Variants in MYRF observed in about 807,000 individuals in gnomAD.
MYRF encodes myelin regulatory factor, also known as myelin gene regulatory factor.
Under a neutral mutation model 126.3 loss-of-function variants are expected in MYRF, and 16 were observed. That is an observed-to-expected ratio of 0.13 (90% CI 0.09 to 0.19). MYRF has a LOEUF of 0.19. Ranked by LOEUF, MYRF falls within the 10% of genes least tolerant of loss-of-function variation. The pLI, the probability that MYRF is intolerant of heterozygous loss-of-function variation, is 1.00. For missense variants in MYRF, 1,104 were observed against 1,547.0 expected (o/e 0.71, Z 4.80); for synonymous variants, 608 against 635.3 (o/e 0.96, Z 0.65).
chr11:61,771,463 G>A lies in MYRF; in HGVS notation c.741-37G>A. The A allele has an allele frequency of 6.3e-6, 10 of 1,590,860 alleles. No homozygotes were observed. The South Asian group carries it at 8.0e-5, about 13-fold the overall frequency. On this transcript the variant is annotated intron_variant, in intron 5 of 26. Transcript: ENST00000278836. ...CTACCCAGTGGGAGGGGCTCGGGGA[G>A]AGCCAGCCCCCACGGCGCACACTTC...
chr11:61,763,008 G>A (rs1351366406), intron 1 of MYRF, among the ~76,000 whole-genome samples: 9 of 152,246 alleles, frequency 5.9e-5, no homozygotes, highest in East Asian at 3.9e-4. Context: ...GATTAGGGGC[G>A]ATTAGGAGTG....
chr11:61,767,191 AC>A (rs909548376), intron 3 of MYRF: 4 of 456,626 alleles, frequency 8.8e-6, no homozygotes, highest in Non-Finnish European at 1.8e-5. Flanking sequence ...CCAGGGGTGA[AC>A]CTTTGCTGCA....
Position 61,781,149 on chromosome 11 carries a change from C to T in MYRF, c.2584C>T (p.Leu862Phe). The change falls in exon 21 of 27, where the codon CTC becomes TTC. Residue 862 changes from leucine to phenylalanine, a missense_variant. Physicochemically the swap from Leu to Phe is conservative, Grantham distance 22. This residue lies in a region of MYRF where 323 missense variants were observed against 383.1 expected (regional missense o/e 0.84). Coordinates refer to ENST00000278836, the MANE Select transcript of MYRF (RefSeq NM_001127392.3). ...QPSLLLVTTS[L>F]TSSAPGSAVR... ...TCTGGCCTCCTCAGTGACCACCAGC[C>T]TCACCAGCTCGGCCCCAGGTTCTGC... 2.5e-6 allele frequency: 4 copies of T among 1,613,602 alleles called. No homozygotes were observed. The highest frequency in any genetic ancestry group is 3.4e-6 in the Non-Finnish European group (4 of 1,179,994).
chr11:61,783,856 G>C lies in MYRF; in HGVS notation c.3125G>C (p.Gly1042Ala). The C allele has an allele frequency of 1.2e-6, 2 of 1,606,384 alleles. No individual in the cohort carries two copies. The highest frequency in any genetic ancestry group is 2.2e-5 in the South Asian group (2 of 89,774). The change falls in exon 24 of 27, where the codon GGG (glycine) becomes GCG (alanine). Residue 1042 changes from glycine (G) to alanine (A), a missense_variant. Gly to Ala is a moderately conservative substitution (Grantham distance 60). This residue lies in a region of MYRF where 94 missense variants were observed against 164.6 expected (regional missense o/e 0.57). Coordinates refer to ENST00000278836, the MANE Select transcript of MYRF (RefSeq NM_001127392.3). This position sits in a 1 kb window ranked among gnomAD's most constrained non-coding sequence, Gnocchi z 4.6. Reference protein sequence around the residue: ...YCAPGDACRPGNFTYHIPVSS... With the variant: ...YCAPGDACRPANFTYHIPVSS... ...TGCCAGTTTTGCCCCTGCAGGCCTG[G>C]GAACTTCACCTACCACATCCCTGTC...
intron 25 of MYRF, 162 bp from the exon 26 acceptor site, chr11:61,785,638 T>C (rs2066675090): frequency 3.1e-6 from 2 of 642,926 alleles, no homozygotes; most frequent in Admixed American, 2.5e-5. Context: ...CATTGCTCCT[T>C]CTGCCAAAGC....
rs575934023 is a variant in MYRF, at chr11:61,780,874, T to C, written c.2486+82T>C. The C allele has an allele frequency of 9.9e-5, 156 of 1,583,310 alleles. No homozygotes were observed. The African/African-American group carries it at 1.9e-3, about 20-fold the overall frequency. ...CCTCCCCTCCCTCTCTGCCTCTTCCTGCCCTCCTGCCTCTCCAGGACTGTC... is the reference window on the plus strand; with the variant it reads ...CCTCCCCTCCCTCTCTGCCTCTTCCCGCCCTCCTGCCTCTCCAGGACTGTC... On this transcript the variant is annotated intron_variant, in intron 19 of 26. Coordinates refer to ENST00000278836, the MANE Select transcript of MYRF (RefSeq NM_001127392.3).
chr11:61,786,197 C>CCAA lies in MYRF; in HGVS notation c.*57_*59dup. 6.6e-7 allele frequency: 1 copy of CCAA among 1,511,058 alleles called. No homozygotes were observed. 93.6% of individuals were successfully genotyped at this position (1,511,058 alleles called of 1,614,324 possible). On this transcript the variant is annotated 3_prime_UTR_variant, in exon 27 of 27. Transcript: ENST00000278836. The surrounding 1 kb of genome is among the most constrained non-coding windows in gnomAD (Gnocchi z 4.5). Reference sequence around the variant, plus strand: ...GGGACCAGGGGTGCCCAGGCACCCCCCAACACTGGATGCAATGGTGTTACA... The same window carrying CCAA: ...GGGACCAGGGGTGCCCAGGCACCCCCCAACAACACTGGATGCAATGGTGTTACA...
intron 18 of MYRF, 58 bp downstream of exon 18, chr11:61,780,348 C>T (rs914137594): frequency 1.4e-6 from 2 of 1,459,694 alleles, no homozygotes; most frequent in East Asian, 2.3e-5. Flanking sequence ...GGTGGGCAGT[C>T]CCAGGTCAGA....
chr11:61,777,416 C>A lies in MYRF; in HGVS notation c.1743C>A (p.Gly581=), dbSNP rs759380429. The A allele has an allele frequency of 6.8e-6, 11 of 1,613,742 alleles. No individual in the cohort carries two copies. Among genetic ancestry groups the A allele is most frequent in the South Asian group, 1.1e-5 (1 of 91,060 alleles). Residue 581 remains glycine, a synonymous_variant, in exon 12 of 27, where the codon GGC becomes GGA. Transcript: ENST00000278836. The surrounding 1 kb of genome is among the most constrained non-coding windows in gnomAD (Gnocchi z 8.8). The stretch of plus-strand genomic sequence containing the variant: ...TGCACGGGAATGTCAAGGTCATGGG[C>A]TCGCTTATGCACCCCTCCGACCTGC... ...LVVHGNVKVM[G]SLMHPSDLRA... is the part of the protein sequence containing the mutation.
At position 61,778,093 on chromosome 11, in the gene MYRF, T is replaced by G. The variant is rs957692535; in HGVS notation, c.1903+248T>G. Among the ~76,000 whole-genome samples the G allele has an allele frequency of 6.6e-6, 1 of 152,184 alleles. No individual in the cohort carries two copies. The highest frequency in any genetic ancestry group is 1.5e-5 in the Non-Finnish European group (1 of 68,022). Reference sequence around the variant, plus strand: ...GCCCAGGGACCCTCGCCCTTCGCGCTAGATGAATCCTACCTTTAACCTGCC... The same window carrying G: ...GCCCAGGGACCCTCGCCCTTCGCGCGAGATGAATCCTACCTTTAACCTGCC... On this transcript the variant is annotated intron_variant, in intron 13 of 26. Transcript: ENST00000278836. The surrounding 1 kb of genome is among the most constrained non-coding windows in gnomAD (Gnocchi z 4.6).
chr11:61,783,254 C>T lies in MYRF; in HGVS notation c.3017-244C>T. The T allele has an allele frequency of 2.5e-6, 1 of 406,602 alleles. No individual in the cohort carries two copies. 25.2% of individuals were successfully genotyped at this position (406,602 alleles called of 1,614,324 possible). On this transcript the variant is annotated intron_variant, in intron 22 of 26. Coordinates refer to ENST00000278836, the MANE Select transcript of MYRF (RefSeq NM_001127392.3). This position sits in a 1 kb window ranked among gnomAD's most constrained non-coding sequence, Gnocchi z 4.6. Reference sequence around the variant, plus strand: ...ACACCTGGCAGGGGATGTGAAGACCCATCCCTACTTCTGGGTGTTCCAGTT... The same window carrying T: ...ACACCTGGCAGGGGATGTGAAGACCTATCCCTACTTCTGGGTGTTCCAGTT...
At position 61,783,734 on chromosome 11, in the gene MYRF, C is replaced by G; in HGVS notation, c.3120-117C>G. 7.3e-7 allele frequency: 1 copy of G among 1,365,794 alleles called. No individual in the cohort carries two copies. The highest frequency in any genetic ancestry group is 1.0e-6 in the Non-Finnish European group (1 of 979,046). The allele number at this position is 1,365,794 out of a possible 1,614,324, so 84.6% of individuals were successfully genotyped here. ...GAAGGGTAGCCCCTTTCCAGGCTACCCTTGGACACTGTCTCTTCTGGAGGG... is the reference window on the plus strand; with the variant it reads ...GAAGGGTAGCCCCTTTCCAGGCTACGCTTGGACACTGTCTCTTCTGGAGGG... On this transcript the variant is annotated intron_variant, in intron 23 of 26. Transcript: ENST00000278836. The surrounding 1 kb of genome is among the most constrained non-coding windows in gnomAD (Gnocchi z 4.6).
chr11:61,758,897 C>T (rs1057249048), intron 1 of MYRF, among the ~76,000 whole-genome samples: 1 of 152,246 alleles, frequency 6.6e-6, no homozygotes, highest in African/African-American at 2.4e-5. Flanking sequence ...TGAAGGCACA[C>T]GGATGAACGC....
chr11:61,765,556 C>G, intron 1 of MYRF, 69 bp from the exon 2 acceptor site: 1 of 1,312,714 alleles, frequency 7.6e-7, no homozygotes, highest in Non-Finnish European at 1.1e-6. Flanking sequence ...GGATGGAGGG[C>G]TGGGCCCTGA....
intron 21 of MYRF, 50 bp downstream of exon 21, chr11:61,781,379 G>C (rs372913441): frequency 7.2e-5 from 116 of 1,600,604 alleles, no homozygotes; most frequent in Non-Finnish European, 9.8e-5. Flanking sequence ...CCTGCGTAGA[G>C]AGAAAGGCCC....
chr11:61,766,046 C>T lies in MYRF; in HGVS notation c.223C>T (p.Leu75=). The part of the protein sequence containing the change: ...AMPGSSGVHH[L]SPPGGGPSPG... ...GCCTGGCTCCAGCGGGGTCCACCAC[C>T]TGAGCCCCCCTGGGGGTGGACCCTC... Residue 75 remains leucine (L), a synonymous_variant, in exon 3 of 27, where the codon CTG becomes TTG. Coordinates refer to ENST00000278836, the MANE Select transcript of MYRF (RefSeq NM_001127392.3). 1 of 1,600,618 alleles carries T rather than the reference C, an allele frequency of 6.2e-7. No homozygotes were observed. The highest frequency in any genetic ancestry group is 1.1e-5 in the South Asian group (1 of 90,284).
chr11:61,766,259 A>G, intron 3 of MYRF, 38 bp downstream of exon 3: 3 of 1,554,400 alleles, frequency 1.9e-6, no homozygotes, highest in Non-Finnish European at 2.6e-6. Context: ...ACAGCGGCAT[A>G]GGGGCAGGCA....
At chr11:61,782,903 TC>T (rs1184020066) in intron 22 of MYRF, 1 of 152,364 alleles carries the variant, frequency 6.6e-6, no homozygotes, top group Non-Finnish European at 1.5e-5. Flanking sequence ...GGCCCCAGCT[TC>T]CCCCTTCCTG....
In MYRF at chr11:61,765,812, T is replaced by C. The variant is rs2066040024; in HGVS notation, c.134+100T>C. On this transcript the variant is annotated intron_variant, in intron 2 of 26. Transcript: ENST00000278836. ...TGAGGGCCGGACCTGGGGTCTGCTG[T>C]GGTCCCACCTCTGAAAGCTGCTCCT... 13 of 1,416,412 alleles carry C rather than the reference T, an allele frequency of 9.2e-6. 1 individual carries two copies. The South Asian group carries it at 1.7e-4, about 18-fold the overall frequency. 87.7% of individuals were successfully genotyped at this position (1,416,412 alleles called of 1,614,324 possible).
Sources: allele counts gnomAD v4.1 joint callset (sites outside exome capture counted in the v4.1 genomes callset), GRCh38; gene constraint gnomAD v4.1.1; regional missense constraint gnomAD v4.1.1; non-coding constraint Gnocchi (gnomAD v3.1); transcripts MANE v1.5; gene names NCBI Gene and HGNC (gene_info 2026-07-23, HGNC 2026-07-21).